Variants in DDB2 observed in about 807,000 individuals in gnomAD.
DDB2 encodes the protein DNA damage-binding protein 2.
DDB2 carries 27 observed loss-of-function variants against 50.5 expected under a neutral mutation model. The ratio of observed to expected loss-of-function variants is 0.53; its 90% CI spans 0.39 to 0.74. The LOEUF (loss-of-function observed/expected upper bound fraction) is 0.74. DDB2 is among the 30% of genes least tolerant of loss of function. The pLI, the probability that DDB2 is intolerant of heterozygous loss-of-function variation, is 0.00. For synonymous variants in DDB2, 176 were observed against 205.5 expected (o/e 0.86, Z 1.23); for missense variants, 424 against 545.6 (o/e 0.78, Z 2.22).
intron 7 of DDB2, 43 bp from the exon 8 acceptor site, chr11:47,237,794 A>G: frequency 1.2e-6 from 2 of 1,603,142 alleles, no homozygotes; most frequent in Non-Finnish European, 1.7e-6. Flanking sequence ...CCCCTTGATC[A>G]TGTTCTGTGT....
Position 47,216,972 on chromosome 11 carries a change from G to T in DDB2, c.379G>T (p.Val127Leu). 6.2e-7 allele frequency: 1 copy of T among 1,614,024 alleles called. No individual in the cohort carries two copies. Among genetic ancestry groups the T allele is most frequent in the Non-Finnish European group, 8.5e-7 (1 of 1,179,914 alleles). Residue 127 changes from valine (V) to leucine (L), a missense_variant, in exon 3 of 10, where the codon GTG becomes TTG. Coordinates refer to ENST00000256996, the MANE Select transcript of DDB2 (RefSeq NM_000107.3). ...GTGGCACCCAACTCACCCCAGCACCGTGGCTGTGGGTTCCAAAGGGGGAGA... is the reference window on the plus strand; with the variant it reads ...GTGGCACCCAACTCACCCCAGCACCTTGGCTGTGGGTTCCAAAGGGGGAGA... ...LAWHPTHPST[V>L]AVGSKGGDIM...
intron 3 of DDB2, among the ~76,000 whole-genome samples, chr11:47,219,667 A>G (rs553089021): frequency 6.6e-6 from 1 of 152,132 alleles, no homozygotes; most frequent in African/African-American, 2.4e-5. Context: ...ACGTCTTAAT[A>G]TTGGCACTGA....
chr11:47,230,076 T>C (rs1019165883), intron 3 of DDB2, among the ~76,000 whole-genome samples: 3 of 150,964 alleles, frequency 2.0e-5, no homozygotes, highest in African/African-American at 4.9e-5. Flanking sequence ...GGTGGAAGGA[T>C]TGCTTGAGCC....
chr11:47,214,952 G>A (rs1953377947), upstream of DDB2: 4 of 801,308 alleles, frequency 5.0e-6, no homozygotes, highest in Admixed American at 2.4e-5. Context: ...CTCCGAGACG[G>A]GTGGGGCCGG....
Position 47,216,936 on chromosome 11 carries a change from A to T in DDB2, c.343A>T (p.Thr115Ser). Residue 115 changes from threonine (T) to serine (S), a missense_variant, in exon 3 of 10, where the codon ACA becomes TCA. Physicochemically the swap from Thr to Ser is moderately conservative, Grantham distance 58 (BLOSUM62 1). Coordinates refer to ENST00000256996, the MANE Select transcript of DDB2 (RefSeq NM_000107.3). ...QKAAPFDRRA[T>S]SLAWHPTHPS... ...GGCTGCCCCCTTTGACAGGAGGGCT[A>T]CATCCTTGGCGTGGCACCCAACTCA... The T allele has an allele frequency of 6.2e-7, 1 of 1,614,100 alleles. No homozygotes were observed.
At chr11:47,227,875 A>T (rs1186645082) in intron 3 of DDB2, among the ~76,000 whole-genome samples, 1 of 151,926 alleles carries the variant, frequency 6.6e-6, no homozygotes. Flanking sequence ...GGCGTGGTGG[A>T]TCACGCCTGT....
chr11:47,235,576 T>A (rs182004027), intron 7 of DDB2, 164 bp downstream of exon 7: 23 of 701,478 alleles, frequency 3.3e-5, no homozygotes, highest in Non-Finnish European at 4.9e-6. Flanking sequence ...CTCTTCCTTT[T>A]ATCCCACTTC....
chr11:47,216,039 C>T, intron 1 of DDB2: 1 of 487,384 alleles, frequency 2.1e-6, no homozygotes, highest in Non-Finnish European at 3.8e-6. Flanking sequence ...GGGAAGAGTT[C>T]TGCATTGTAC....
At chr11:47,217,139 G>A (rs1445615336) in intron 3 of DDB2, 90 bp downstream of exon 3, 2 of 1,126,450 alleles carry the variant, frequency 1.8e-6, no homozygotes, top group Admixed American at 1.9e-5. Context: ...ACTTTGGGAG[G>A]CCAAGGTGGG....
chr11:47,218,519 A>G (rs1399739509), intron 3 of DDB2, among the ~76,000 whole-genome samples: 1 of 152,240 alleles, frequency 6.6e-6, no homozygotes, highest in Non-Finnish European at 1.5e-5. Flanking sequence ...AGAGAAAAGA[A>G]GGAAAGACAT....
At chr11:47,225,244 C>A (rs1441732039) in intron 3 of DDB2, among the ~76,000 whole-genome samples, 1 of 123,100 alleles carries the variant, frequency 8.1e-6, no homozygotes, top group Non-Finnish European at 1.8e-5. Flanking sequence ...CTGGCCCGAT[C>A]CTGTGTCTTT....
chr11:47,228,057 T>C (rs542196154), intron 3 of DDB2, among the ~76,000 whole-genome samples: 1 of 150,818 alleles, frequency 6.6e-6, no homozygotes, highest in Admixed American at 6.6e-5. Context: ...AGAGAATCGT[T>C]TGAACTTGGG....
chr11:47,231,114 C>T (rs1176453320), intron 3 of DDB2, among the ~76,000 whole-genome samples: 1 of 75,508 alleles, frequency 1.3e-5, no homozygotes, highest in East Asian at 4.6e-4. Flanking sequence ...AGCAAGCCTT[C>T]ATCTCAAAAA....
chr11:47,227,969 G>A (rs1045895273), intron 3 of DDB2, among the ~76,000 whole-genome samples: 9 of 151,374 alleles, frequency 5.9e-5, no homozygotes, highest in Non-Finnish European at 1.2e-4. Flanking sequence ...GTGAAACCCC[G>A]TCTCTACTAA....
chr11:47,223,217 G>A (rs114456359), intron 3 of DDB2, among the ~76,000 whole-genome samples: 238 of 152,326 alleles, frequency 1.6e-3, no homozygotes, highest in African/African-American at 5.2e-3. Flanking sequence ...GGGCGCTGTG[G>A]CTTACGCCTG....
intron 3 of DDB2, chr11:47,220,190 T>C (rs906534796): frequency 1.3e-5 from 2 of 152,014 alleles, no homozygotes; most frequent in African/African-American, 4.8e-5. Flanking sequence ...GAGATGGGTG[T>C]TCAAGGAACA....
Position 47,238,977 on chromosome 11 carries a change from C to A in DDB2, c.*128C>A. 1 of 937,588 alleles carries A rather than the reference C, an allele frequency of 1.1e-6. No individual in the cohort carries two copies. The highest frequency in any genetic ancestry group is 1.7e-6 in the Non-Finnish European group (1 of 604,540). 58.1% of individuals were successfully genotyped at this position (937,588 alleles called of 1,614,324 possible). ...CAAGGTTAGGGTTGGAGCAGGGGTGCTGGGACCTGGGGCACTGTGGGACTG... is the reference window on the plus strand; with the variant it reads ...CAAGGTTAGGGTTGGAGCAGGGGTGATGGGACCTGGGGCACTGTGGGACTG... On this transcript the variant is annotated 3_prime_UTR_variant, in exon 10 of 10. Transcript: ENST00000256996.
intron 7 of DDB2, 147 bp downstream of exon 7, chr11:47,235,559 GCT>G (rs1425146916): frequency 3.9e-6 from 3 of 771,104 alleles, no homozygotes; most frequent in Admixed American, 2.2e-5. Flanking sequence ...TTACCCATTG[GCT>G]CTCTCTCTTC....
At chr11:47,232,086 G>A (rs1378917010) in intron 3 of DDB2, among the ~76,000 whole-genome samples, 2 of 152,210 alleles carry the variant, frequency 1.3e-5, no homozygotes, top group African/African-American at 4.8e-5. Context: ...GCTCACGCCT[G>A]TAATCCCAGC....
Sources: gnomAD v4.1 joint callset for allele counts (sites outside exome capture counted in the v4.1 genomes callset) on GRCh38, gnomAD v4.1.1 for gene constraint, MANE v1.5 for transcripts, NCBI Gene and HGNC (gene_info 2026-07-23, HGNC 2026-07-21) for gene names.